CELF2: variants seen among roughly 807,000 people sequenced by gnomAD.
CELF2 encodes the protein CUGBP Elav-like family member 2, also known as CUG triplet repeat RNA-binding protein 2.
CELF2 carries 8 observed loss-of-function variants against 62.6 expected under a neutral mutation model. That is an observed-to-expected ratio of 0.13 (90% CI 0.07 to 0.23). The LOEUF (loss-of-function observed/expected upper bound fraction) is 0.23, where lower values mean the gene tolerates loss of function less well. Among genes scored for constraint, CELF2 ranks in the 10% least tolerant of loss-of-function variants. The probability of loss-of-function intolerance (pLI) is 1.00; values close to 1 mark genes in which losing one functional copy is unlikely to be tolerated. For synonymous variants in CELF2, 258 were observed against 250.0 expected (o/e 1.03, Z -0.30); for missense variants, 333 against 671.0 (o/e 0.50, Z 5.56).
chr10:10,691,221 T>C, the CELF2 span, among the ~76,000 whole-genome samples: 3 of 151,846 alleles, frequency 2.0e-5, no homozygotes, highest in African/African-American at 7.3e-5. Context: ...GTGATCTCAT[T>C]GTTCAATTCC....
At chr10:11,128,604 T>G (rs935948358) in intron 1 of CELF2, among the ~76,000 whole-genome samples, 3 of 152,110 alleles carry the variant, frequency 2.0e-5, no homozygotes, top group Non-Finnish European at 2.9e-5. Flanking sequence ...TCCCTTGTAA[T>G]TTGGATTCTT....
chr10:10,491,974 A>C, the CELF2 span, among the ~76,000 whole-genome samples: 1 of 150,494 alleles, frequency 6.6e-6, no homozygotes, highest in Non-Finnish European at 1.5e-5. Context: ...TCTCTTTCCC[A>C]CTTTCCCATT....
chr10:10,504,326 A>G, the CELF2 span, among the ~76,000 whole-genome samples: 3 of 152,002 alleles, frequency 2.0e-5, no homozygotes, highest in Non-Finnish European at 4.4e-5. Flanking sequence ...CTTGAAGAAT[A>G]TTTTCACTGG....
chr10:11,131,711 A>G (rs2059651934), intron 1 of CELF2, among the ~76,000 whole-genome samples: 1 of 152,254 alleles, frequency 6.6e-6, no homozygotes, highest in South Asian at 2.1e-4. Context: ...ATAAACTGTG[A>G]TCCATAGGAT....
chr10:10,850,117 C>A (rs1202253280), intron 1 of CELF2, among the ~76,000 whole-genome samples: 1 of 152,098 alleles, frequency 6.6e-6, no homozygotes, highest in Non-Finnish European at 1.5e-5. Context: ...CCACTGTACT[C>A]CAGCCCAGGC....
the CELF2 span, among the ~76,000 whole-genome samples, chr10:10,783,591 G>A: frequency 6.6e-6 from 1 of 152,198 alleles, no homozygotes. Flanking sequence ...CCCAGGAAAT[G>A]AATGCAGTAT....
intron 2 of CELF2, among the ~76,000 whole-genome samples, chr10:10,953,875 C>T (rs1397240049): frequency 1.3e-5 from 2 of 151,042 alleles, no homozygotes; most frequent in African/African-American, 4.9e-5. Context: ...ATTTCATAGG[C>T]CTGCTATTGA....
Position 11,285,901 on chromosome 10 carries a change from G to GT in CELF2, c.842-2516dup, listed in dbSNP as rs760503433. 1.3e-5 allele frequency among the ~76,000 whole-genome samples: 2 copies of GT among 149,896 alleles called. No individual in the cohort carries two copies. Among genetic ancestry groups the GT allele is most frequent in the African/African-American group, 4.9e-5 (2 of 40,720 alleles). On this transcript the variant is annotated intron_variant, in intron 8 of 12. Coordinates refer to ENST00000633077, the MANE Select transcript of CELF2 (RefSeq NM_001326342.2). This position sits in a 1 kb window ranked among gnomAD's most constrained non-coding sequence, Gnocchi z 4.3. ...TGTTTTTACATGGACTTGAAAATGA[G>GT]TAAGACATAATTTTTGTCCTAAAGG...
rs577359771 is a variant in CELF2, at chr10:11,247,865, G to T, written c.355-1288G>T. ...GCCCAACTCATGGCTTTCCACAGGT[G>T]ACTTGTCCTGCTTTTGAAGAGGCAG... On this transcript the variant is annotated intron_variant, in intron 3 of 12. Coordinates refer to ENST00000633077, the MANE Select transcript of CELF2 (RefSeq NM_001326342.2). This position sits in a 1 kb window ranked among gnomAD's most constrained non-coding sequence, Gnocchi z 5.4. 3.3e-5 allele frequency among the ~76,000 whole-genome samples: 5 copies of T among 152,256 alleles called. No homozygotes were observed. In the South Asian group the frequency reaches 1.0e-3, roughly 32 times the overall value.
rs118185698 is a variant in CELF2 at position 10,837,992 on chromosome 10, C to T, written c.53+39175C>T. The stretch of plus-strand genomic sequence containing the variant: ...CATGATTAATTACCCAAAGCCTGTA[C>T]AGTATTCTGTTTTCCTTGCTTTTTA... On this transcript the variant is annotated intron_variant, in intron 1 of 13. Transcript: ENST00000636488. Among the ~76,000 whole-genome samples the T allele has an allele frequency of 3.3e-3, 495 of 152,250 alleles. 4 individuals carry two copies. In the Middle Eastern group the frequency reaches 0.044, roughly 14 times the overall value.
At chr10:10,700,194 T>C in the CELF2 span, among the ~76,000 whole-genome samples, 1 of 151,854 alleles carries the variant, frequency 6.6e-6, no homozygotes, top group Non-Finnish European at 1.5e-5. Flanking sequence ...TGGGAAGAGG[T>C]TTTATTCAGG....
chr10:10,688,875 A>T, the CELF2 span, among the ~76,000 whole-genome samples: 1 of 151,916 alleles, frequency 6.6e-6, no homozygotes, highest in Admixed American at 6.6e-5. Context: ...GTGGTGGTGG[A>T]TGCCTGTAGT....
At chr10:11,166,875 T>C (rs1457156253) in intron 2 of CELF2, among the ~76,000 whole-genome samples, 1 of 152,254 alleles carries the variant, frequency 6.6e-6, no homozygotes, top group Non-Finnish European at 1.5e-5. Context: ...GTTCCTCTTG[T>C]TCCCTGTTGT....
In CELF2 at chr10:11,177,421, T is replaced by TAAA. The variant is rs58453098; in HGVS notation, c.271+11751_271+11753dup. Among the ~76,000 whole-genome samples the TAAA allele has an allele frequency of 2.1e-5, 3 of 140,964 alleles. No individual in the cohort carries two copies. Among genetic ancestry groups the TAAA allele is most frequent in the East Asian group, 2.0e-4 (1 of 5,004 alleles). 92.5% of individuals were successfully genotyped at this position (140,964 alleles called of 152,430 possible). A position where few individuals can be genotyped will look rare whatever the true frequency, so the allele number is the denominator to read the frequency against. On this transcript the variant is annotated intron_variant, in intron 2 of 12. Transcript: ENST00000633077. The surrounding 1 kb of genome is among the most constrained non-coding windows in gnomAD (Gnocchi z 4.8). ...TTGGCTTATGTTTGCATGTGTGAATTAAAAAAAAAAAAAAGAGAAAATTAG... is the reference window on the plus strand; with the variant it reads ...TTGGCTTATGTTTGCATGTGTGAATTAAAAAAAAAAAAAAAAAGAGAAAATTAG...
At chr10:10,470,494 C>G in the CELF2 span, among the ~76,000 whole-genome samples, 1 of 151,710 alleles carries the variant, frequency 6.6e-6, no homozygotes, top group East Asian at 1.9e-4. Flanking sequence ...GAACTCAGAT[C>G]CCTGTTTCTT....
At chr10:10,590,560 C>A in the CELF2 span, among the ~76,000 whole-genome samples, 1 of 152,190 alleles carries the variant, frequency 6.6e-6, no homozygotes, top group Admixed American at 6.5e-5. Flanking sequence ...GATAACTTTC[C>A]TGCCCTTTAC....
chr10:10,740,123 G>T, the CELF2 span, among the ~76,000 whole-genome samples: 5 of 88,310 alleles, frequency 5.7e-5, no homozygotes, highest in African/African-American at 2.2e-4. Flanking sequence ...TTAGTTTAAC[G>T]TTTGTTTATT....
chr10:11,186,203 G>A (rs1016925520), intron 2 of CELF2, among the ~76,000 whole-genome samples: 3 of 151,562 alleles, frequency 2.0e-5, no homozygotes, highest in East Asian at 1.9e-4. Context: ...GATACTCCTG[G>A]TACTGTTAAT....
chr10:11,181,116 C>T (rs576344155), intron 2 of CELF2, among the ~76,000 whole-genome samples: 7 of 152,280 alleles, frequency 4.6e-5, no homozygotes, highest in South Asian at 4.2e-4. Flanking sequence ...GTGATCAGCC[C>T]GCCTTGGCCT....
Sources: allele counts gnomAD v4.1 joint callset (sites outside exome capture counted in the v4.1 genomes callset), GRCh38; gene constraint gnomAD v4.1.1; non-coding constraint Gnocchi (gnomAD v3.1); transcripts MANE v1.5; gene names NCBI Gene and HGNC (gene_info 2026-07-23, HGNC 2026-07-21).